Variants in FLT4 observed in about 807,000 individuals in gnomAD.
The protein encoded by FLT4 is vascular endothelial growth factor receptor 3.
In FLT4, 30 loss-of-function variants were observed where a neutral mutation model predicts 163.2. The observed-to-expected ratio is 0.18, with a 90% CI of 0.14 to 0.25. The LOEUF is 0.25. Among genes scored for constraint, FLT4 ranks in the 10% least tolerant of loss-of-function variants. The pLI is 1.00. For missense variants in FLT4, 1,510 were observed against 1,863.8 expected, an observed-to-expected ratio of 0.81 and a Z score of 3.50; for synonymous variants, 884 against 789.5, an observed-to-expected ratio of 1.12 and a Z score of -2.01.
intron 22 of FLT4, among the ~76,000 whole-genome samples, 184 bp from the exon 23 acceptor site, chr5:180,616,673 G>C (rs1762717316): frequency 6.6e-6 from 1 of 152,204 alleles, no homozygotes; most frequent in African/African-American, 2.4e-5. Context: ...GTGGAATTGT[G>C]GGGACAGCAG....
At chr5:180,604,301 C>T (rs1230374222) in intron 29 of FLT4, among the ~76,000 whole-genome samples, 8 of 152,186 alleles carry the variant, frequency 5.3e-5, no homozygotes, top group Admixed American at 5.2e-4. Context: ...GCCAAGCACC[C>T]TGGGGTTCTC....
chr5:180,629,405 G>T lies in FLT4; in HGVS notation c.839C>A (p.Pro280His), dbSNP rs1383801975. ...GTGGGTCTGCTGGGAGCGTCGCTCGGGCACCCACTTACCCCGCTCTGCCTG... is the reference window on the plus strand; with the variant it reads ...GTGGGTCTGCTGGGAGCGTCGCTCGTGCACCCACTTACCCCGCTCTGCCTG... The part of the protein sequence containing the change: ...GKQAERGKWV[P>H]ERRSQQTHTE... Residue 280 changes from proline to histidine, a missense_variant, in exon 7 of 30, where the codon CCC becomes CAC. Pro to His is a moderately conservative substitution (Grantham distance 77). Around this residue, in one of 5 missense-constraint regions of FLT4, gnomAD observed 163 missense variants for 281.1 expected, o/e 0.58. Transcript: ENST00000261937. The T allele has an allele frequency of 6.2e-7, 1 of 1,611,534 alleles. No homozygotes were observed. The highest frequency in any genetic ancestry group is 1.7e-5 in the Admixed American group (1 of 60,030).
At position 180,620,329 on chromosome 5, in the gene FLT4, G is replaced by A. The variant is rs1214860350; in HGVS notation, c.2407-21C>T. On this transcript the variant is annotated intron_variant, in intron 16 of 29. Coordinates refer to ENST00000261937, the MANE Select transcript of FLT4 (RefSeq NM_182925.5). The surrounding 1 kb of genome is among the most constrained non-coding windows in gnomAD (Gnocchi z 4.4). ...GCCGGCTGCGGGGAGGGGACAGGGAGGAGTGGGGCAGCTCACTGATTTGGC... is the reference window on the plus strand; with the variant it reads ...GCCGGCTGCGGGGAGGGGACAGGGAAGAGTGGGGCAGCTCACTGATTTGGC... 6.2e-7 allele frequency: 1 copy of A among 1,609,096 alleles called. No individual in the cohort carries two copies. The highest frequency in any genetic ancestry group is 8.5e-7 in the Non-Finnish European group (1 of 1,179,828).
At chr5:180,606,989 A>G (rs1241191056) in intron 29 of FLT4, among the ~76,000 whole-genome samples, 3 of 152,058 alleles carry the variant, frequency 2.0e-5, no homozygotes, top group Admixed American at 2.0e-4. Context: ...GAGGCAGGAT[A>G]ATCACGTGAA....
intron 1 of FLT4, among the ~76,000 whole-genome samples, chr5:180,645,279 G>T (rs1344981595): frequency 6.6e-6 from 1 of 152,258 alleles, no homozygotes; most frequent in Non-Finnish European, 1.5e-5. Flanking sequence ...GTGCCCCGTG[G>T]GGGTGGAGAC....
upstream of FLT4, among the ~76,000 whole-genome samples, chr5:180,650,297 C>A (rs1036318550): frequency 1.6e-4 from 24 of 152,202 alleles, no homozygotes; most frequent in Middle Eastern, 3.4e-3. Flanking sequence ...CCCCTCCCTG[C>A]AGGCCTGGCC....
intron 23 of FLT4, among the ~76,000 whole-genome samples, chr5:180,615,100 G>T (rs995247939): frequency 3.3e-5 from 5 of 152,170 alleles, no homozygotes; most frequent in Admixed American, 3.3e-4. Flanking sequence ...AAGGCGCGGG[G>T]CAAAGACAAG....
chr5:180,602,752 G>C lies in FLT4; in HGVS notation c.*440C>G. ...GGAGAGTAGCTGTGTGCCTGAGGAGGAAAGGGCGTTTGGGAGACCTCTGCT... is the reference window on the plus strand; with the variant it reads ...GGAGAGTAGCTGTGTGCCTGAGGAGCAAAGGGCGTTTGGGAGACCTCTGCT... On this transcript the variant is annotated 3_prime_UTR_variant, in exon 30 of 30. Transcript: ENST00000261937. 2 of 465,768 alleles carry C rather than the reference G, an allele frequency of 4.3e-6. No individual in the cohort carries two copies. The highest frequency in any genetic ancestry group is 2.0e-5 in the African/African-American group (1 of 51,262). 28.9% of individuals were successfully genotyped at this position (465,768 alleles called of 1,614,324 possible).
chr5:180,623,208 A>G lies in FLT4; in HGVS notation c.1549-369T>C, dbSNP rs191059. 0.93 allele frequency among the ~76,000 whole-genome samples: 141,270 copies of G among 152,200 alleles called. 66,540 individuals are homozygous for G. Among genetic ancestry groups the G allele is most frequent in the East Asian group, 1 (5,150 of 5,150 alleles). On this transcript the variant is annotated intron_variant, in intron 11 of 29. Coordinates refer to ENST00000261937, the MANE Select transcript of FLT4 (RefSeq NM_182925.5). The surrounding 1 kb of genome is among the most constrained non-coding windows in gnomAD (Gnocchi z 5.8). ...AGAATTCAGCCTGGGTCACAGCAAA[A>G]GCCAGTCACTTCTGGATGGGGTCAG...
At chr5:180,648,383 G>A (rs1323755967) in intron 1 of FLT4, among the ~76,000 whole-genome samples, 1 of 152,188 alleles carries the variant, frequency 6.6e-6, no homozygotes, top group African/African-American at 2.4e-5. Context: ...GGGACCTTGG[G>A]GAAGTGACAC....
chr5:180,644,390 G>A (rs1235781863), intron 1 of FLT4, among the ~76,000 whole-genome samples: 3 of 152,208 alleles, frequency 2.0e-5, no homozygotes, highest in Non-Finnish European at 4.4e-5. Flanking sequence ...AAAGGTCTCT[G>A]GGACAGCAAA....
At chr5:180,606,384 C>T (rs537269564) in intron 29 of FLT4, among the ~76,000 whole-genome samples, 12 of 152,200 alleles carry the variant, frequency 7.9e-5, no homozygotes, top group African/African-American at 2.7e-4. Context: ...CTCCGTCACC[C>T]CTGGGTCTGT....
Position 180,619,657 on chromosome 5 carries a change from C to G in FLT4, c.2647+8G>C, listed in dbSNP as rs755404968. On this transcript the variant is annotated splice_region_variant and intron_variant, in intron 18 of 29. Coordinates refer to ENST00000261937, the MANE Select transcript of FLT4 (RefSeq NM_182925.5). ...CTAGGCTGCCCCTTCCGCCCGCTGACCCCACACCTTTCAGCATTTTCACGG... is the reference window on the plus strand; with the variant it reads ...CTAGGCTGCCCCTTCCGCCCGCTGAGCCCACACCTTTCAGCATTTTCACGG... 1 of 1,608,174 alleles carries G rather than the reference C, an allele frequency of 6.2e-7. No individual in the cohort carries two copies. The highest frequency in any genetic ancestry group is 1.1e-5 in the South Asian group (1 of 90,992).
Position 180,630,175 on chromosome 5 carries a change from C to G in FLT4, c.513+50G>C, listed in dbSNP as rs2127836529. On this transcript the variant is annotated intron_variant, in intron 4 of 29. Coordinates refer to ENST00000261937, the MANE Select transcript of FLT4 (RefSeq NM_182925.5). This position sits in a 1 kb window ranked among gnomAD's most constrained non-coding sequence, Gnocchi z 6.3. ...CTGGCCAGACAGGCGGCCGCCTTTC[C>G]CAGGGGTGGGATGGGAGGGTCGGAT... The G allele has an allele frequency of 6.2e-7, 1 of 1,609,878 alleles. No individual in the cohort carries two copies. The highest frequency in any genetic ancestry group is 8.5e-7 in the Non-Finnish European group (1 of 1,178,022).
chr5:180,626,641 C>A (rs1244695442), intron 8 of FLT4, among the ~76,000 whole-genome samples: 2 of 152,224 alleles, frequency 1.3e-5, no homozygotes, highest in Non-Finnish European at 2.9e-5. Context: ...GCTTGCCCAG[C>A]CCAGCCCAGG....
rs1050477676 is a variant in FLT4, at chr5:180,608,305, C to T, written c.3893+663G>A. 12 of 700,748 alleles carry T rather than the reference C, an allele frequency of 1.7e-5. 1 individual carries two copies. Among genetic ancestry groups the T allele is most frequent in the South Asian group, 1.6e-4 (11 of 67,506 alleles). 43.4% of individuals were successfully genotyped at this position (700,748 alleles called of 1,614,324 possible). On this transcript the variant is annotated intron_variant, in intron 29 of 29. Coordinates refer to ENST00000261937, the MANE Select transcript of FLT4 (RefSeq NM_182925.5). ...GCTACCTAAGAGGGAAGGGCCCCGT[C>T]CCATGATCATGTGACTTGCTTCACC...
intron 8 of FLT4, among the ~76,000 whole-genome samples, chr5:180,626,704 C>T (rs548003394): frequency 1.6e-4 from 24 of 152,344 alleles, no homozygotes; most frequent in East Asian, 1.4e-3. Context: ...CTGGAGACCC[C>T]GTCCTCTTTC....
Position 180,629,845 on chromosome 5 carries a change from C to A in FLT4, c.677-10G>T. The A allele has an allele frequency of 1.2e-6, 2 of 1,612,540 alleles. No homozygotes were observed. The highest frequency in any genetic ancestry group is 1.7e-6 in the Non-Finnish European group (2 of 1,179,852). On this transcript the variant is annotated splice_polypyrimidine_tract_variant and intron_variant, in intron 5 of 29. Coordinates refer to ENST00000261937, the MANE Select transcript of FLT4 (RefSeq NM_182925.5). ...TCATAGAGCTCGTTGCCTGTTGACA[C>A]GCACACAGTGACTCCCACGCCCTCA...
At chr5:180,639,740 C>A (rs1007084899) in intron 1 of FLT4, among the ~76,000 whole-genome samples, 2 of 152,170 alleles carry the variant, frequency 1.3e-5, no homozygotes, top group African/African-American at 4.8e-5. Flanking sequence ...CGTCCAGAGG[C>A]TCTGTGACTG....
Sources: gnomAD v4.1 joint callset for allele counts (sites outside exome capture counted in the v4.1 genomes callset) on GRCh38, gnomAD v4.1.1 for gene constraint, gnomAD v4.1.1 regional missense constraint, Gnocchi (gnomAD v3.1) non-coding constraint, MANE v1.5 for transcripts, NCBI Gene and HGNC (gene_info 2026-07-23, HGNC 2026-07-21) for gene names.